The following RANBP2 variants were observed in gnomAD, a reference collection of about 807,000 sequenced individuals.
RANBP2 encodes the protein E3 SUMO-protein ligase RanBP2.
Under a neutral mutation model 303.6 loss-of-function variants are expected in RANBP2, and 57 were observed. The observed-to-expected ratio is 0.19, with a 90% confidence interval of 0.15 to 0.23. The LOEUF is 0.23. RANBP2 is among the 10% of genes least tolerant of loss of function. The probability of loss-of-function intolerance (pLI) is 1.00; values close to 1 mark genes in which losing one functional copy is unlikely to be tolerated. For missense variants in RANBP2, 3,138 were observed against 3,780.8 expected (o/e 0.83, Z 4.46); for synonymous variants, 1,167 against 1,301.5 (o/e 0.90, Z 2.23).
At chr2:109,078,077 AATATAT>A in the RANBP2 span, among the ~76,000 whole-genome samples, 62 of 47,430 alleles carry the variant, frequency 1.3e-3, 1 homozygote, top group African/African-American at 7.7e-3. Flanking sequence ...TTGACAGATG[AATATAT>A]ATATATATAT....
the RANBP2 span, among the ~76,000 whole-genome samples, chr2:109,012,463 G>A: frequency 6.6e-6 from 1 of 151,904 alleles, no homozygotes; most frequent in African/African-American, 2.4e-5. Context: ...CCCCAGCCCT[G>A]GGATTGCAAA....
At chr2:108,975,183 G>T in the RANBP2 span, among the ~76,000 whole-genome samples, 2 of 152,220 alleles carry the variant, frequency 1.3e-5, no homozygotes, top group African/African-American at 4.8e-5. Context: ...TCCAGGAGCT[G>T]CAGTCCAGCC....
the RANBP2 span, among the ~76,000 whole-genome samples, chr2:109,001,384 CA>C: frequency 6.6e-6 from 1 of 152,230 alleles, no homozygotes; most frequent in Non-Finnish European, 1.5e-5. Context: ...AGCTTTCACA[CA>C]AGAACAGGCA....
In RANBP2 at chr2:108,765,538, G is replaced by A. The variant is rs776380363; in HGVS notation, c.4999G>A (p.Gly1667Arg). The A allele has an allele frequency of 5.3e-5, 83 of 1,560,650 alleles. No homozygotes were observed. The highest frequency in any genetic ancestry group is 6.6e-5 in the Non-Finnish European group (76 of 1,157,840). Residue 1667 changes from glycine (G) to arginine (R), a missense_variant, in exon 20 of 29, where the codon GGA (glycine) becomes AGA (arginine). By Grantham distance (125) the Gly-to-Arg change is moderately radical. Coordinates refer to ENST00000283195, the MANE Select transcript of RANBP2 (RefSeq NM_006267.5). ...GFEGMFTKKE[G>R]QWDCSVCLVR... The stretch of plus-strand genomic sequence containing the variant: ...TGAGGGAATGTTCACTAAGAAGGAG[G>A]GACAGTGGGATTGCAGTGTGTGCTT...
chr2:108,866,903 A>T, the RANBP2 span, among the ~76,000 whole-genome samples: 5 of 152,006 alleles, frequency 3.3e-5, no homozygotes, highest in Admixed American at 6.6e-5. Context: ...GAAAGAAATG[A>T]GTAAAATATT....
the RANBP2 span, among the ~76,000 whole-genome samples, chr2:109,609,128 T>C: frequency 6.6e-6 from 1 of 152,252 alleles, no homozygotes; most frequent in African/African-American, 2.4e-5. Context: ...CTGAAAAGTA[T>C]GACACTATCA....
the RANBP2 span, among the ~76,000 whole-genome samples, chr2:108,917,003 GGCCTCTTCCCTGC>G: frequency 6.6e-6 from 1 of 152,176 alleles, no homozygotes; most frequent in Non-Finnish European, 1.5e-5. Context: ...CCTGACAATG[GGCCTCTTCCCTGC>G]GCTCGGAGCT....
the RANBP2 span, among the ~76,000 whole-genome samples, chr2:108,981,242 C>T: frequency 6.6e-6 from 1 of 152,154 alleles, no homozygotes; most frequent in African/African-American, 2.4e-5. Context: ...GGGCCTGTGT[C>T]CACCTGAGGC....
the RANBP2 span, among the ~76,000 whole-genome samples, chr2:109,576,383 G>A: frequency 3.3e-5 from 5 of 151,978 alleles, no homozygotes; most frequent in Non-Finnish European, 7.4e-5. Context: ...ACAGGCGTGA[G>A]CCACCACACC....
At chr2:109,022,610 G>A in the RANBP2 span, among the ~76,000 whole-genome samples, 1 of 152,156 alleles carries the variant, frequency 6.6e-6, no homozygotes, top group South Asian at 2.1e-4. Context: ...AAGGTGGGAG[G>A]GGGAGAGGGA....
intron 25 of RANBP2, among the ~76,000 whole-genome samples, chr2:108,779,538 GTTCT>G (rs1678100122): frequency 6.6e-6 from 1 of 151,912 alleles, no homozygotes; most frequent in Non-Finnish European, 1.5e-5. Flanking sequence ...TTTTTATTGT[GTTCT>G]TTAAGGTACT....
At chr2:109,274,785 T>C in the RANBP2 span, among the ~76,000 whole-genome samples, 1 of 152,204 alleles carries the variant, frequency 6.6e-6, no homozygotes, top group Non-Finnish European at 1.5e-5. Flanking sequence ...TCATGTTATA[T>C]GAATTTTGCA....
chr2:109,544,598 C>T, the RANBP2 span: 4 of 964,730 alleles, frequency 4.1e-6, no homozygotes, highest in Non-Finnish European at 4.9e-6. Context: ...AATTATCTTT[C>T]ATATAGGGGA....
chr2:109,598,053 GT>G, the RANBP2 span, among the ~76,000 whole-genome samples: 2 of 151,998 alleles, frequency 1.3e-5, no homozygotes, highest in East Asian at 1.9e-4. Context: ...TTAGCTTTAT[GT>G]TTTTTTGTTT....
chr2:108,795,357 T>C, the RANBP2 span, among the ~76,000 whole-genome samples: 6 of 152,078 alleles, frequency 3.9e-5, no homozygotes, highest in African/African-American at 2.4e-5. Context: ...GGTTTCACCA[T>C]GTTGGCTAGG....
chr2:109,742,860 A>C, the RANBP2 span, among the ~76,000 whole-genome samples: 1 of 148,738 alleles, frequency 6.7e-6, no homozygotes, highest in Admixed American at 6.7e-5. Context: ...CAGTCAATGG[A>C]ATAGAATTGA....
At chr2:109,575,061 A>C in the RANBP2 span, among the ~76,000 whole-genome samples, 2 of 152,234 alleles carry the variant, frequency 1.3e-5, no homozygotes, top group African/African-American at 4.8e-5. Context: ...AGAAATCCTA[A>C]GTCAAACTAT....
the RANBP2 span, among the ~76,000 whole-genome samples, chr2:109,413,438 C>A: frequency 7.9e-5 from 12 of 152,286 alleles, no homozygotes; most frequent in East Asian, 2.1e-3. Context: ...AGGATTCATT[C>A]TTAACAGGAA....
intron 5 of RANBP2, 26 bp downstream of exon 5, chr2:108,735,788 C>T (rs1323166143): frequency 6.3e-7 from 1 of 1,597,578 alleles, no homozygotes; most frequent in South Asian, 1.1e-5. Context: ...TGGGTCTTTA[C>T]ATTTCTATGT....
Sources: allele counts gnomAD v4.1 joint callset (sites outside exome capture counted in the v4.1 genomes callset), GRCh38; gene constraint gnomAD v4.1.1; transcripts MANE v1.5; gene names NCBI Gene and HGNC (gene_info 2026-07-23, HGNC 2026-07-21).